The following TGIF1 variants were observed in gnomAD, a reference collection of about 807,000 sequenced individuals.
TGIF1 encodes the protein homeobox protein TGIF1.
In TGIF1, 4 loss-of-function variants were observed where a neutral mutation model predicts 19.3. That is an observed-to-expected ratio of 0.21 (90% confidence interval 0.10 to 0.47). TGIF1 has a LOEUF of 0.47. Among genes scored for constraint, TGIF1 ranks in the 20% least tolerant of loss-of-function variants. The pLI is 0.98. For synonymous variants in TGIF1, 122 were observed against 129.3 expected (o/e 0.94, Z 0.38); for missense variants, 275 against 341.4 (o/e 0.81, Z 1.53).
At chr18:3,415,299 T>C in intron 1 of TGIF1, 1 of 276,464 alleles carries the variant, frequency 3.6e-6, no homozygotes, top group Non-Finnish European at 7.7e-6. Context: ...AAGCTGAGGG[T>C]TCGGTGTCCA....
chr18:3,427,223 C>T (rs895523329), intron 2 of TGIF1, among the ~76,000 whole-genome samples: 19 of 152,106 alleles, frequency 1.2e-4, no homozygotes, highest in African/African-American at 3.9e-4. Flanking sequence ...GGATTACAGG[C>T]GTGAGCCACC....
chr18:3,439,795 C>T (rs886622190), intron 2 of TGIF1, among the ~76,000 whole-genome samples: 11 of 151,700 alleles, frequency 7.3e-5, no homozygotes, highest in Admixed American at 5.3e-4. Flanking sequence ...CCAAGGTGGG[C>T]GGATAGATTG....
intron 2 of TGIF1, among the ~76,000 whole-genome samples, chr18:3,419,698 G>T (rs371242353): frequency 2.6e-5 from 4 of 152,210 alleles, no homozygotes; most frequent in Middle Eastern, 3.4e-3. Flanking sequence ...ATAAAAATTA[G>T]TCTCCAACTC....
chr18:3,452,129 C>G (rs755998929), intron 1 of TGIF1: 4 of 1,613,818 alleles, frequency 2.5e-6, no homozygotes, highest in African/African-American at 2.7e-5. Context: ...TGGCGTCCCC[C>G]CGACTCTCCC....
chr18:3,427,653 G>A (rs971724383), intron 2 of TGIF1, among the ~76,000 whole-genome samples: 1 of 150,154 alleles, frequency 6.7e-6, no homozygotes, highest in African/African-American at 2.5e-5. Context: ...AGGCTGGAGT[G>A]CAGTGACGGG....
chr18:3,438,121 G>C (rs913164712), intron 2 of TGIF1, among the ~76,000 whole-genome samples: 1 of 152,002 alleles, frequency 6.6e-6, no homozygotes, highest in Non-Finnish European at 1.5e-5. Context: ...TTAAATAGAA[G>C]TTAGTGTAGG....
At chr18:3,443,744 G>A (rs966600725) in intron 2 of TGIF1, among the ~76,000 whole-genome samples, 1 of 151,960 alleles carries the variant, frequency 6.6e-6, no homozygotes, top group African/African-American at 2.4e-5. Flanking sequence ...TGTTGGCCAG[G>A]CTGGTCTCGA....
At chr18:3,413,870 A>G (rs1483032593) in intron 1 of TGIF1, among the ~76,000 whole-genome samples, 1 of 152,240 alleles carries the variant, frequency 6.6e-6, no homozygotes, top group African/African-American at 2.4e-5. Context: ...CAAAAAGTAC[A>G]GTTGTATCTT....
intron 2 of TGIF1, among the ~76,000 whole-genome samples, chr18:3,427,324 C>G (rs866876903): frequency 2.3e-4 from 35 of 151,204 alleles, no homozygotes; most frequent in Middle Eastern, 6.8e-3. Context: ...TGAAGCCTCA[C>G]TCTGTTGCCC....
At position 3,458,258 on chromosome 18, in the gene TGIF1, C is replaced by CCTG; in HGVS notation, c.*318_*319insCTG. The CCTG allele has an allele frequency of 3.1e-6, 1 of 325,206 alleles. No individual in the cohort carries two copies. Among genetic ancestry groups the CCTG allele is most frequent in the Non-Finnish European group, 5.7e-6 (1 of 175,732 alleles). The allele number at this position is 325,206 out of a possible 1,614,324, so 20.1% of individuals were successfully genotyped here. ...TGTTATTTTTTCAGACTGTGCAATA[C>CCTG]TTAGAGAACCTATAGCATCTTCTCA... On this transcript the variant is annotated 3_prime_UTR_variant, in exon 3 of 3. Transcript: ENST00000343820.
At chr18:3,449,590 C>T (rs1197432513), upstream of TGIF1, 4 of 969,432 alleles carry the variant, frequency 4.1e-6, no homozygotes, top group African/African-American at 3.8e-5. Context: ...GGAGGAAGAG[C>T]CCCGGGAGGA....
rs61331871 is a variant in TGIF1, at chr18:3,451,807, A to T, written c.16+1302A>T. ...CGCCCTAAGGACCCCTCCCCGCGGG[A>T]CGGAGGGAGGACTCGGGACAGGGAA... On this transcript the variant is annotated intron_variant, in intron 1 of 2. Transcript: ENST00000343820. This position sits in a 1 kb window ranked among gnomAD's most constrained non-coding sequence, Gnocchi z 5.4. The T allele has an allele frequency of 8.9e-4, 1,153 of 1,296,632 alleles. 5 individuals are homozygous for T. The African/African-American group carries it at 9.8e-3, about 11-fold the overall frequency. 80.3% of individuals were successfully genotyped at this position (1,296,632 alleles called of 1,614,324 possible).
intron 2 of TGIF1, among the ~76,000 whole-genome samples, chr18:3,427,686 A>C (rs1183176547): frequency 6.9e-6 from 1 of 144,294 alleles, no homozygotes; most frequent in Non-Finnish European, 1.5e-5. Flanking sequence ...TGCAACCTCC[A>C]CCTCCCGGGT....
rs61756226 is a variant in TGIF1 at position 3,457,804 on chromosome 18, C to T, written c.683C>T (p.Thr228Ile). The T allele has an allele frequency of 5.6e-5, 90 of 1,613,708 alleles. No individual in the cohort carries two copies. The highest frequency in any genetic ancestry group is 6.9e-5 in the Non-Finnish European group (82 of 1,180,050). Residue 228 changes from threonine (T) to isoleucine (I), a missense_variant, in exon 3 of 3, where the codon ACA becomes ATA. Transcript: ENST00000343820. This position sits in a 1 kb window ranked among gnomAD's most constrained non-coding sequence, Gnocchi z 4.9. ...DTCKSGPSTN[T>I]QSGLFNTPPP... ...TGTAAATCTGGACCAAGTACGAATACACAGAGTGGTCTTTTCAACACTCCT... is the reference window on the plus strand; with the variant it reads ...TGTAAATCTGGACCAAGTACGAATATACAGAGTGGTCTTTTCAACACTCCT...
intron 1 of TGIF1, among the ~76,000 whole-genome samples, chr18:3,414,375 A>G (rs1035608315): frequency 2.0e-5 from 3 of 152,194 alleles, no homozygotes; most frequent in African/African-American, 7.2e-5. Flanking sequence ...TTCAAGAGCT[A>G]CTGCACCTTA....
chr18:3,430,572 A>C (rs2082533824), intron 2 of TGIF1, among the ~76,000 whole-genome samples: 1 of 151,752 alleles, frequency 6.6e-6, no homozygotes, highest in South Asian at 2.1e-4. Context: ...GTGTGATATT[A>C]GTTCACTGCA....
At position 3,422,698 on chromosome 18, in the gene TGIF1, T is replaced by G. The variant is rs1311199546; in HGVS notation, c.-45+4483T>G. ...CTTTTTTTTTTTTTTTTTTTTTTTTTTTTTTTTTTTGAGACAGAGTCTGGC... is the reference window on the plus strand; with the variant it reads ...CTTTTTTTTTTTTTTTTTTTTTTTTGTTTTTTTTTTGAGACAGAGTCTGGC... On this transcript the variant is annotated intron_variant, in intron 2 of 3. Transcript: ENST00000401449. Among the ~76,000 whole-genome samples, 73 of 142,030 alleles carry G rather than the reference T, an allele frequency of 5.1e-4. 2 individuals carry two copies. The highest frequency in any genetic ancestry group is 3.5e-3 in the Middle Eastern group (1 of 288). 93.2% of individuals were successfully genotyped at this position (142,030 alleles called of 152,430 possible).
In TGIF1 at chr18:3,436,688, G is replaced by A. The variant is rs138250408; in HGVS notation, c.-45+18473G>A. Among the ~76,000 whole-genome samples, 830 of 151,436 alleles carry A rather than the reference G, an allele frequency of 5.5e-3. 4 individuals are homozygous for A. The highest frequency in any genetic ancestry group is 0.016 in the South Asian group (77 of 4,796). The stretch of plus-strand genomic sequence containing the variant: ...ACAAAAATTAGCCGGTTGTGGTGTC[G>A]CACTCCTGTAGTCCCAGCTACCCAG... On this transcript the variant is annotated intron_variant, in intron 2 of 3. Transcript: ENST00000401449.
chr18:3,428,556 C>A (rs1431900585), intron 2 of TGIF1, among the ~76,000 whole-genome samples: 1 of 151,750 alleles, frequency 6.6e-6, no homozygotes, highest in African/African-American at 2.4e-5. Flanking sequence ...ACCAACATAG[C>A]GAAACCCCAT....
Sources: allele counts gnomAD v4.1 joint callset (sites outside exome capture counted in the v4.1 genomes callset), GRCh38; gene constraint gnomAD v4.1.1; non-coding constraint Gnocchi (gnomAD v3.1); transcripts MANE v1.5; gene names NCBI Gene and HGNC (gene_info 2026-07-23, HGNC 2026-07-21).